VTI1A: variants seen among roughly 807,000 people sequenced by gnomAD.
The protein encoded by VTI1A is vesicle transport through interaction with t-SNAREs 1A.
A neutral mutation model predicts 34.9 loss-of-function variants in VTI1A; 22 were observed. The observed-to-expected ratio is 0.63, with a 90% CI of 0.45 to 0.90. VTI1A has a LOEUF of 0.90. Among genes scored for constraint, VTI1A ranks in the 40% least tolerant of loss-of-function variants. The probability of loss-of-function intolerance (pLI) is 0.00; values close to 1 mark genes in which losing one functional copy is unlikely to be tolerated. For missense variants in VTI1A, 268 were observed against 275.6 expected (o/e 0.97, Z 0.20); for synonymous variants, 87 against 97.3 (o/e 0.89, Z 0.62).
At chr10:112,618,502 T>TAGAG (rs1845591580) in intron 5 of VTI1A, among the ~76,000 whole-genome samples, 1 of 42,882 alleles carries the variant, frequency 2.3e-5, no homozygotes, top group Non-Finnish European at 4.1e-5. Context: ...TATATATATA[T>TAGAG]ATATATATAT....
intron 7 of VTI1A, among the ~76,000 whole-genome samples, chr10:112,699,510 T>C (rs1848913841): frequency 6.6e-6 from 1 of 152,232 alleles, no homozygotes; most frequent in Non-Finnish European, 1.5e-5. Context: ...ATAAAATGTG[T>C]TTTAGCCATC....
In VTI1A at chr10:112,631,427, C is replaced by T. The variant is rs1324078152; in HGVS notation, c.428-36791C>T. The stretch of plus-strand genomic sequence containing the variant: ...GTTAGGCAGTTGCTCCCCTTTTGTG[C>T]TCCACCTAACCCCTAGTAACACCAG... On this transcript the variant is annotated intron_variant, in intron 5 of 7. Transcript: ENST00000393077. 2.0e-5 allele frequency among the ~76,000 whole-genome samples: 3 copies of T among 152,162 alleles called. No homozygotes were observed. In the East Asian group the frequency reaches 5.8e-4, roughly 29 times the overall value.
intron 5 of VTI1A, among the ~76,000 whole-genome samples, chr10:112,624,837 C>T (rs1034330321): frequency 2.0e-5 from 3 of 152,106 alleles, no homozygotes; most frequent in African/African-American, 7.2e-5. Flanking sequence ...TAGCGCAGGC[C>T]TGTGATGTCA....
chr10:112,626,750 T>C (rs1045975780), intron 5 of VTI1A, among the ~76,000 whole-genome samples: 15 of 152,304 alleles, frequency 9.8e-5, no homozygotes, highest in African/African-American at 3.1e-4. Flanking sequence ...TTCAGGTACA[T>C]TGGGGATGAC....
chr10:112,710,990 A>G (rs1285418234), intron 7 of VTI1A, among the ~76,000 whole-genome samples: 2 of 152,248 alleles, frequency 1.3e-5, no homozygotes, highest in Non-Finnish European at 2.9e-5. Context: ...GGGCAGTTTT[A>G]ATATTCTCAG....
intron 7 of VTI1A, among the ~76,000 whole-genome samples, chr10:112,676,481 G>T (rs1227916749): frequency 6.6e-6 from 1 of 152,160 alleles, no homozygotes; most frequent in Non-Finnish European, 1.5e-5. Context: ...GGTGCCAGAT[G>T]AGTGCTGTTT....
intron 5 of VTI1A, among the ~76,000 whole-genome samples, chr10:112,619,895 T>C (rs1026140307): frequency 6.6e-6 from 1 of 152,114 alleles, no homozygotes; most frequent in Non-Finnish European, 1.5e-5. Context: ...GGGGAGGACA[T>C]AATTGAAAGG....
intron 7 of VTI1A, among the ~76,000 whole-genome samples, chr10:112,776,778 A>G (rs1347518824): frequency 6.6e-6 from 1 of 151,496 alleles, no homozygotes; most frequent in African/African-American, 2.4e-5. Flanking sequence ...CCCAGAATCA[A>G]GGAATTCTCC....
At chr10:112,543,048 C>T (rs1589882153) in intron 5 of VTI1A, among the ~76,000 whole-genome samples, 2 of 152,286 alleles carry the variant, frequency 1.3e-5, no homozygotes, top group South Asian at 2.1e-4. Context: ...TGGTGTATAT[C>T]TGCCACATTT....
chr10:112,480,247 A>G (rs890529674), intron 3 of VTI1A, among the ~76,000 whole-genome samples: 5 of 152,206 alleles, frequency 3.3e-5, no homozygotes, highest in African/African-American at 1.2e-4. Context: ...ACAAATGAGG[A>G]AGCTGAAGCT....
intron 2 of VTI1A, 96 bp downstream of exon 2, chr10:112,460,678 C>A: frequency 1.1e-6 from 1 of 927,626 alleles, no homozygotes; most frequent in Non-Finnish European, 1.5e-6. Flanking sequence ...AAATGTGAAG[C>A]ATTGCTGATT....
intron 5 of VTI1A, among the ~76,000 whole-genome samples, chr10:112,650,591 GC>G (rs1283915916): frequency 6.6e-6 from 1 of 152,104 alleles, no homozygotes; most frequent in Non-Finnish European, 1.5e-5. Flanking sequence ...AATTGTATAT[GC>G]TATACTTTTG....
intron 5 of VTI1A, among the ~76,000 whole-genome samples, chr10:112,581,999 T>C (rs1843965755): frequency 6.6e-6 from 1 of 152,198 alleles, no homozygotes; most frequent in Non-Finnish European, 1.5e-5. Flanking sequence ...CACCTTTCTG[T>C]CTTGATGCTA....
chr10:112,759,473 A>G (rs1395047361), intron 7 of VTI1A, among the ~76,000 whole-genome samples: 1 of 152,366 alleles, frequency 6.6e-6, no homozygotes, highest in East Asian at 1.9e-4. Flanking sequence ...CCGAGCGTAT[A>G]GAGTTCGTTC....
rs181583868 is a variant in VTI1A, at chr10:112,688,807, G to A, written c.560+19809G>A. On this transcript the variant is annotated intron_variant, in intron 7 of 7. Transcript: ENST00000393077. ...ACCCACCTCAGCCTCCCAAAGTGCA[G>A]GAATTACAGGCATCAGCCACTGTGC... Among the ~76,000 whole-genome samples the A allele has an allele frequency of 1.8e-3, 275 of 152,196 alleles. 2 individuals carry two copies. Among genetic ancestry groups the A allele is most frequent in the Middle Eastern group, 6.8e-3 (2 of 294 alleles).
intron 3 of VTI1A, among the ~76,000 whole-genome samples, chr10:112,467,251 C>T (rs1173800499): frequency 4.0e-5 from 6 of 151,848 alleles, no homozygotes; most frequent in African/African-American, 1.2e-4. Flanking sequence ...TGGGCAAAGT[C>T]CTTTAGGTAT....
At chr10:112,669,698 A>G (rs1297791533) in intron 7 of VTI1A, among the ~76,000 whole-genome samples, 1 of 152,180 alleles carries the variant, frequency 6.6e-6, no homozygotes, top group Non-Finnish European at 1.5e-5. Flanking sequence ...AACTGTGGAT[A>G]GAAAAGTGAA....
chr10:112,708,894 A>G (rs755711817), intron 7 of VTI1A, among the ~76,000 whole-genome samples: 1 of 152,242 alleles, frequency 6.6e-6, no homozygotes, highest in Admixed American at 6.5e-5. Context: ...GTAGTTACAC[A>G]GTCTGTCTCC....
chr10:112,498,593 T>C (rs1253628580), intron 3 of VTI1A, among the ~76,000 whole-genome samples: 1 of 152,138 alleles, frequency 6.6e-6, no homozygotes, highest in Non-Finnish European at 1.5e-5. Flanking sequence ...ATGACCATAA[T>C]TTGCAAATAT....
Sources: gnomAD v4.1 joint callset for allele counts (sites outside exome capture counted in the v4.1 genomes callset) on GRCh38, gnomAD v4.1.1 for gene constraint, MANE v1.5 for transcripts, NCBI Gene and HGNC (gene_info 2026-07-23, HGNC 2026-07-21) for gene names.